The following ATXN2 variants were observed in gnomAD, a reference collection of about 807,000 sequenced individuals.
The protein encoded by ATXN2 is ataxin 2.
Under a neutral mutation model 138.6 loss-of-function variants are expected in ATXN2, and 37 were observed. The observed-to-expected ratio is 0.27, with a 90% CI of 0.21 to 0.35. The LOEUF is 0.35. ATXN2 is among the 10% of genes least tolerant of loss of function. The pLI is 1.00. For missense variants in ATXN2, 1,216 were observed against 1,480.3 expected (o/e 0.82, Z 2.93); for synonymous variants, 549 against 543.7 (o/e 1.01, Z -0.13).
Position 111,453,875 on chromosome 12 carries a change from G to A in ATXN2, c.3271-30C>T, listed in dbSNP as rs115512671. The A allele has an allele frequency of 1.3e-6, 2 of 1,578,958 alleles. No individual in the cohort carries two copies. Among genetic ancestry groups the A allele is most frequent in the African/African-American group, 1.3e-5 (1 of 74,144 alleles). On this transcript the variant is annotated intron_variant, in intron 23 of 24. Coordinates refer to ENST00000673436, the MANE Select transcript of ATXN2 (RefSeq NM_001372574.1). This position sits in a 1 kb window ranked among gnomAD's most constrained non-coding sequence, Gnocchi z 5.4. Reference sequence around the variant, plus strand: ...AACAGAGAGCTCTTTTACGCATACAGGCAACATCTCCGGCTTCAACAACAT... The same window carrying A: ...AACAGAGAGCTCTTTTACGCATACAAGCAACATCTCCGGCTTCAACAACAT...
In ATXN2 at chr12:111,548,575, A is replaced by T. The variant is rs140735430; in HGVS notation, c.571+3705T>A. ...CAATTCATATCTTTTAGGAAAATACAATGTCATATTAGTATACTCTAATCA... is the reference window on the plus strand; with the variant it reads ...CAATTCATATCTTTTAGGAAAATACTATGTCATATTAGTATACTCTAATCA... On this transcript the variant is annotated intron_variant, in intron 5 of 24. Transcript: ENST00000673436. Among the ~76,000 whole-genome samples, 135 of 152,334 alleles carry T rather than the reference A, an allele frequency of 8.9e-4. 2 individuals carry two copies. The East Asian group carries it at 0.024, about 27-fold the overall frequency.
chr12:111,481,311 G>A (rs1476690677), intron 18 of ATXN2, among the ~76,000 whole-genome samples: 3 of 152,192 alleles, frequency 2.0e-5, no homozygotes, highest in Admixed American at 2.0e-4. Flanking sequence ...CTGGTGTGGT[G>A]GCGTATGCCT....
intron 19 of ATXN2, 129 bp downstream of exon 19, chr12:111,470,429 G>T: frequency 8.5e-7 from 1 of 1,175,892 alleles, no homozygotes; most frequent in African/African-American, 1.6e-5. Flanking sequence ...ATTGAAAAGG[G>T]TCCCCAAGTC....
In ATXN2 at chr12:111,520,110, C is replaced by T. The variant is rs765757636; in HGVS notation, c.789-34G>A. The T allele has an allele frequency of 1.9e-6, 3 of 1,600,228 alleles. No homozygotes were observed. In the East Asian group the frequency reaches 6.7e-5, roughly 36 times the overall value. Reference sequence around the variant, plus strand: ...TGAGGAAAAGAAAAGCAAAATGAGTCCTTTAAAGCCACAGTTTATGTATCT... The same window carrying T: ...TGAGGAAAAGAAAAGCAAAATGAGTTCTTTAAAGCCACAGTTTATGTATCT... On this transcript the variant is annotated intron_variant, in intron 7 of 24. Transcript: ENST00000673436.
At chr12:111,533,959 T>C (rs527821100) in intron 5 of ATXN2, among the ~76,000 whole-genome samples, 5 of 152,200 alleles carry the variant, frequency 3.3e-5, no homozygotes, top group African/African-American at 1.2e-4. Flanking sequence ...AAGAAATGAA[T>C]GGTAATTACA....
chr12:111,575,360 TA>T (rs1302470267), intron 1 of ATXN2, among the ~76,000 whole-genome samples: 1 of 152,056 alleles, frequency 6.6e-6, no homozygotes, highest in Non-Finnish European at 1.5e-5. Context: ...AATTAAAAAA[TA>T]TTTTTTGTAG....
chr12:111,466,072 A>G (rs2135667871), intron 20 of ATXN2, among the ~76,000 whole-genome samples: 1 of 152,110 alleles, frequency 6.6e-6, no homozygotes, highest in East Asian at 1.9e-4. Context: ...AGGCTGAGGC[A>G]GGAGAACTGC....
At chr12:111,470,318 C>G (rs879745639) in intron 19 of ATXN2, 78 bp from the exon 20 acceptor site, 28 of 1,517,084 alleles carry the variant, frequency 1.8e-5, no homozygotes, top group Non-Finnish European at 2.3e-5. Flanking sequence ...AGATTTTTAA[C>G]TCCATGGTTT....
chr12:111,453,167 A>G lies in ATXN2; in HGVS notation c.3440-327T>C. On this transcript the variant is annotated intron_variant, in intron 24 of 24. Coordinates refer to ENST00000673436, the MANE Select transcript of ATXN2 (RefSeq NM_001372574.1). The surrounding 1 kb of genome is among the most constrained non-coding windows in gnomAD (Gnocchi z 5.4). ...AGAATAACAGGTCAGACTGTGAAGT[A>G]TCGCCATGGCAGCCATCAAGTAGTA... 1 of 1,152,040 alleles carries G rather than the reference A, an allele frequency of 8.7e-7. No individual in the cohort carries two copies. Among genetic ancestry groups the G allele is most frequent in the Non-Finnish European group, 1.1e-6 (1 of 935,432 alleles). The allele number at this position is 1,152,040 out of a possible 1,614,324, so 71.4% of individuals were successfully genotyped here. A position where few individuals can be genotyped will look rare whatever the true frequency, so the allele number is the denominator to read the frequency against.
rs1882189523 is a variant in ATXN2 at position 111,552,768 on chromosome 12, C to T, written c.420+138G>A. 3.2e-6 allele frequency: 2 copies of T among 626,768 alleles called. No homozygotes were observed. The highest frequency in any genetic ancestry group is 1.9e-5 in the African/African-American group (1 of 51,768). The allele number at this position is 626,768 out of a possible 1,614,324, so 38.8% of individuals were successfully genotyped here. On this transcript the variant is annotated intron_variant, in intron 4 of 24. Coordinates refer to ENST00000673436, the MANE Select transcript of ATXN2 (RefSeq NM_001372574.1). This position sits in a 1 kb window ranked among gnomAD's most constrained non-coding sequence, Gnocchi z 4.1. ...ACACATCAAGAAGCCTCTCTGATTACACAAACCAGTCTATAAAATAATCAG... is the reference window on the plus strand; with the variant it reads ...ACACATCAAGAAGCCTCTCTGATTATACAAACCAGTCTATAAAATAATCAG...
intron 7 of ATXN2, 33 bp downstream of exon 7, chr12:111,520,849 G>T: frequency 8.3e-7 from 1 of 1,199,256 alleles, no homozygotes; most frequent in Non-Finnish European, 1.2e-6. Flanking sequence ...AAAGACAAAT[G>T]CACTAAAATA....
intron 8 of ATXN2, among the ~76,000 whole-genome samples, chr12:111,519,095 A>G (rs1030461378): frequency 6.6e-6 from 1 of 152,126 alleles, no homozygotes; most frequent in Admixed American, 6.5e-5. Context: ...CCATTAAGTC[A>G]CTTAGTTATC....
At chr12:111,597,116 C>G (rs1884974821) in intron 1 of ATXN2, among the ~76,000 whole-genome samples, 2 of 119,760 alleles carry the variant, frequency 1.7e-5, no homozygotes, top group African/African-American at 6.5e-5. Context: ...ACTAGTTTGG[C>G]TAAGTAGTGT....
chr12:111,518,131 T>C, intron 9 of ATXN2, 118 bp downstream of exon 9: 2 of 898,942 alleles, frequency 2.2e-6, no homozygotes, highest in Non-Finnish European at 1.6e-6. Flanking sequence ...AAGTGAAAGC[T>C]ACTCACCAAA....
At chr12:111,484,818 C>T (rs1877522301) in intron 18 of ATXN2, among the ~76,000 whole-genome samples, 1 of 152,164 alleles carries the variant, frequency 6.6e-6, no homozygotes, top group African/African-American at 2.4e-5. Flanking sequence ...GCAGCCTCTA[C>T]TTCCTGGGCT....
chr12:111,532,254 C>A (rs1051781022), intron 5 of ATXN2, among the ~76,000 whole-genome samples: 1 of 152,020 alleles, frequency 6.6e-6, no homozygotes, highest in African/African-American at 2.4e-5. Flanking sequence ...CCAAGGCAGG[C>A]GGATCACTTG....
rs758574780 is a variant in ATXN2, at chr12:111,509,979, T to G, written c.1776A>C (p.Gln592His). 1 of 1,608,594 alleles carries G rather than the reference T, an allele frequency of 6.2e-7. No individual in the cohort carries two copies. The highest frequency in any genetic ancestry group is 2.2e-5 in the East Asian group (1 of 44,714). Residue 592 changes from glutamine to histidine, a missense_variant, in exon 13 of 25, where the codon CAA (glutamine) becomes CAC (histidine). Around this residue, in one of 4 missense-constraint regions of ATXN2, gnomAD observed 215 missense variants for 210.0 expected, o/e 1.02. Coordinates refer to ENST00000673436, the MANE Select transcript of ATXN2 (RefSeq NM_001372574.1). ...PSSEAKDSRL[Q>H]DQRQNSPAGN... Reference sequence around the variant, plus strand: ...CTGCAGGAGAGTTCTGCCTCTGATCTTGAAGCCTGGAATCTTTAGCTAGAA... The same window carrying G: ...CTGCAGGAGAGTTCTGCCTCTGATCGTGAAGCCTGGAATCTTTAGCTAGAA...
At chr12:111,560,033 G>A (rs868538517) in intron 1 of ATXN2, among the ~76,000 whole-genome samples, 10 of 151,950 alleles carry the variant, frequency 6.6e-5, no homozygotes, top group Admixed American at 3.3e-4. Flanking sequence ...AGAGCTGGGA[G>A]GACTCCTCTG....
intron 18 of ATXN2, among the ~76,000 whole-genome samples, chr12:111,479,529 C>T (rs1167966751): frequency 1.3e-5 from 2 of 151,544 alleles, no homozygotes; most frequent in African/African-American, 4.9e-5. Flanking sequence ...AACAAGACTC[C>T]ATCTCAAAAA....
Sources: gnomAD v4.1 joint callset for allele counts (sites outside exome capture counted in the v4.1 genomes callset) on GRCh38, gnomAD v4.1.1 for gene constraint, gnomAD v4.1.1 regional missense constraint, Gnocchi (gnomAD v3.1) non-coding constraint, MANE v1.5 for transcripts, NCBI Gene and HGNC (gene_info 2026-07-23, HGNC 2026-07-21) for gene names.